BHLHE40: variants seen among roughly 807,000 people sequenced by gnomAD.
The protein encoded by BHLHE40 is class E basic helix-loop-helix protein 40.
In BHLHE40, 3 loss-of-function variants were observed where a neutral mutation model predicts 35.7. The ratio of observed to expected loss-of-function variants is 0.08; its 90% CI spans 0.04 to 0.22. The LOEUF is 0.22. Among genes scored for constraint, BHLHE40 ranks in the 10% least tolerant of loss-of-function variants. The probability of loss-of-function intolerance (pLI) is 1.00; values close to 1 mark genes in which losing one functional copy is unlikely to be tolerated. For synonymous variants in BHLHE40, 236 were observed against 213.0 expected (o/e 1.11, Z -0.94); for missense variants, 486 against 524.0 (o/e 0.93, Z 0.71).
Position 4,983,735 on chromosome 3 carries a change from C to T in BHLHE40, c.*43C>T. ...GCTGCTTTGCTTTCCTTCCTCGCTA[C>T]TTCCTAAAAAGCAACAAAAAAGTTT... On this transcript the variant is annotated 3_prime_UTR_variant, in exon 5 of 5. Transcript: ENST00000256495. The surrounding 1 kb of genome is among the most constrained non-coding windows in gnomAD (Gnocchi z 5.0). 4.6e-6 allele frequency: 7 copies of T among 1,536,836 alleles called. No homozygotes were observed. The highest frequency in any genetic ancestry group is 6.1e-6 in the Non-Finnish European group (7 of 1,147,834).
chr3:4,983,056 C>T lies in BHLHE40; in HGVS notation c.603C>T (p.Phe201=). The change falls in exon 5 of 5, where the codon TTC becomes TTT. Residue 201 remains phenylalanine (F), a synonymous_variant. Transcript: ENST00000256495. The surrounding 1 kb of genome is among the most constrained non-coding windows in gnomAD (Gnocchi z 5.0). ...ACCCAGCTCCCAAAGTGATGGACTTCAAGGAAAAACCCAGCTCTCCGGCCA... is the reference window on the plus strand; with the variant it reads ...ACCCAGCTCCCAAAGTGATGGACTTTAAGGAAAAACCCAGCTCTCCGGCCA... ...PSDPAPKVMD[F]KEKPSSPAKG... 4 of 1,614,134 alleles carry T rather than the reference C, an allele frequency of 2.5e-6. No individual in the cohort carries two copies. The highest frequency in any genetic ancestry group is 2.2e-5 in the East Asian group (1 of 44,886).
In BHLHE40 at chr3:4,983,855, TATGTGC is replaced by T. The variant is rs923592233; in HGVS notation, c.*164_*169del. ...GTGTGTGTGTGTGTGTGTGTGTGTGTATGTGCGTGTGCGTGCACATGTGTGCCTGCG... is the reference window on the plus strand; with the variant it reads ...GTGTGTGTGTGTGTGTGTGTGTGTGTGTGTGCGTGCACATGTGTGCCTGCG... On this transcript the variant is annotated 3_prime_UTR_variant, in exon 5 of 5. Transcript: ENST00000256495. The surrounding 1 kb of genome is among the most constrained non-coding windows in gnomAD (Gnocchi z 5.0). 1.3e-5 allele frequency: 13 copies of T among 989,634 alleles called. No homozygotes were observed. The African/African-American group carries it at 1.6e-4, about 13-fold the overall frequency. The allele number at this position is 989,634 out of a possible 1,614,324, so 61.3% of individuals were successfully genotyped here.
intron 2 of BHLHE40, 84 bp from the exon 3 acceptor site, chr3:4,980,217 T>C (rs975001208): frequency 9.2e-6 from 12 of 1,304,602 alleles, no homozygotes; most frequent in African/African-American, 7.3e-5. Context: ...TCTGCTCCTC[T>C]GCCGGACTGT....
At position 4,983,300 on chromosome 3, in the gene BHLHE40, G is replaced by A. The variant is rs753105254; in HGVS notation, c.847G>A (p.Glu283Lys). 8.1e-6 allele frequency: 13 copies of A among 1,614,052 alleles called. No homozygotes were observed. The highest frequency in any genetic ancestry group is 3.3e-5 in the South Asian group (3 of 91,080). ...GATCGGCGCAATTAAGCAAGAGTCC[G>A]AAGAACCCCCCACAAAAAAGAACCG... ...ERIGAIKQES[E>K]EPPTKKNRMQ... Residue 283 changes from glutamate (E) to lysine (K), a missense_variant, in exon 5 of 5, where the codon GAA becomes AAA. By Grantham distance (56) the Glu-to-Lys change is moderately conservative (BLOSUM62 1). Around this residue, in one of 5 missense-constraint regions of BHLHE40, gnomAD observed 206 missense variants for 208.9 expected, o/e 0.99. Coordinates refer to ENST00000256495, the MANE Select transcript of BHLHE40 (RefSeq NM_003670.3). This position sits in a 1 kb window ranked among gnomAD's most constrained non-coding sequence, Gnocchi z 5.0.
At chr3:4,981,760 C>G (rs1441771445) in intron 4 of BHLHE40, 1 of 427,372 alleles carries the variant, frequency 2.3e-6, no homozygotes, top group Non-Finnish European at 4.1e-6. Flanking sequence ...TTGAGAGTCT[C>G]TGGGTTCTGG....
chr3:4,983,746 GC>G lies in BHLHE40; in HGVS notation c.*55del. On this transcript the variant is annotated 3_prime_UTR_variant, in exon 5 of 5. Coordinates refer to ENST00000256495, the MANE Select transcript of BHLHE40 (RefSeq NM_003670.3). The surrounding 1 kb of genome is among the most constrained non-coding windows in gnomAD (Gnocchi z 5.0). ...TTCCTTCCTCGCTACTTCCTAAAAA[GC>G]AACAAAAAAGTTTTTGTGAATGCTG... is the stretch of plus-strand genomic sequence containing the variant. 1 of 1,525,572 alleles carries G rather than the reference GC, an allele frequency of 6.6e-7. No individual in the cohort carries two copies. Among genetic ancestry groups the G allele is most frequent in the Non-Finnish European group, 8.7e-7 (1 of 1,144,202 alleles). The allele number at this position is 1,525,572 out of a possible 1,614,324, so 94.5% of individuals were successfully genotyped here. A position where few individuals can be genotyped will look rare whatever the true frequency, so the allele number is the denominator to read the frequency against.
intron 3 of BHLHE40, among the ~76,000 whole-genome samples, chr3:4,980,743 C>G (rs142575781): frequency 6.6e-6 from 1 of 152,300 alleles, no homozygotes; most frequent in Non-Finnish European, 1.5e-5. Flanking sequence ...ACCCCTTCCC[C>G]TCTACCACTC....
Position 4,979,759 on chromosome 3 carries a change from TG to T in BHLHE40, c.42del (p.Ala17HisfsTer27). The T allele has an allele frequency of 1.3e-6, 2 of 1,585,508 alleles. No individual in the cohort carries two copies. Reference protein sequence around the residue: ...IPSAQPPPACLPKAPGLEHGD... With the variant: ...IPSAQPPPACXPKAPGLEHGD... ...AGCGCGCAACCACCCCCCGCCTGCC[TG>T]CCCAAAGCACCGGGACTGGAGCACG... is the stretch of plus-strand genomic sequence containing the variant. On this transcript the variant is annotated frameshift_variant, in exon 1 of 5. Coordinates refer to ENST00000256495, the MANE Select transcript of BHLHE40 (RefSeq NM_003670.3). LOFTEE classifies it high-confidence loss of function.
At position 4,984,960 on chromosome 3, in the gene BHLHE40, GTTTA is replaced by G. The variant is rs2053234051; in HGVS notation, c.*1272_*1275del. 6.6e-6 allele frequency: 1 copy of G among 151,962 alleles called. No individual in the cohort carries two copies. Among genetic ancestry groups the G allele is most frequent in the African/African-American group, 2.4e-5 (1 of 41,304 alleles). 9.4% of individuals were successfully genotyped at this position (151,962 alleles called of 1,614,324 possible). ...TATTAAAAAGGAAAATGTTTCAGAT[GTTTA>G]TTTGTATAATTACTTGATTCACACA... On this transcript the variant is annotated 3_prime_UTR_variant, in exon 5 of 5. Coordinates refer to ENST00000256495, the MANE Select transcript of BHLHE40 (RefSeq NM_003670.3).
chr3:4,980,457 CG>C, intron 3 of BHLHE40, 49 bp downstream of exon 3: 1 of 1,530,014 alleles, frequency 6.5e-7, no homozygotes, highest in Non-Finnish European at 9.0e-7. Context: ...GCCCAGAGGG[CG>C]GGCGGGTCAC....
chr3:4,980,545 T>TCCTC, intron 3 of BHLHE40, 137 bp downstream of exon 3: 1 of 669,670 alleles, frequency 1.5e-6, no homozygotes, highest in Non-Finnish European at 2.6e-6. Flanking sequence ...TGCGGTGGGG[T>TCCTC]CCTCCTCCAC....
chr3:4,981,985 A>G (rs1327663106), intron 4 of BHLHE40, among the ~76,000 whole-genome samples: 4 of 152,214 alleles, frequency 2.6e-5, no homozygotes, highest in African/African-American at 9.6e-5. Flanking sequence ...GGTTCCCTGA[A>G]TAGCCACTAG....
rs2053233972 is a variant in BHLHE40 at position 4,984,938 on chromosome 3, TAAA to T, written c.*1249_*1251del. ...ATAAATATATATTATATAAATATAT[TAAA>T]AAGGAAAATGTTTCAGATGTTTATT... is the stretch of plus-strand genomic sequence containing the variant. On this transcript the variant is annotated 3_prime_UTR_variant, in exon 5 of 5. Coordinates refer to ENST00000256495, the MANE Select transcript of BHLHE40 (RefSeq NM_003670.3). 6.6e-6 allele frequency: 1 copy of T among 151,826 alleles called. No homozygotes were observed. The highest frequency in any genetic ancestry group is 1.5e-5 in the Non-Finnish European group (1 of 67,868). 9.4% of individuals were successfully genotyped at this position (151,826 alleles called of 1,614,324 possible). A position where few individuals can be genotyped will look rare whatever the true frequency, so the allele number is the denominator to read the frequency against.
intron 3 of BHLHE40, among the ~76,000 whole-genome samples, chr3:4,981,043 A>AG (rs1380902432): frequency 1.3e-5 from 2 of 151,948 alleles, no homozygotes; most frequent in Admixed American, 6.6e-5. Context: ...GATTCCCCTG[A>AG]GTTAAGGTCG....
rs2053231736 is a variant in BHLHE40, at chr3:4,984,627, C to T, written c.*935C>T. On this transcript the variant is annotated 3_prime_UTR_variant, in exon 5 of 5. Transcript: ENST00000256495. The stretch of plus-strand genomic sequence containing the variant: ...CATCCTAAAACTCCTTTTAACCAAG[C>T]TTAGCTTCTCAAAGGCCTAACCAAG... 1.3e-5 allele frequency: 2 copies of T among 152,668 alleles called. No homozygotes were observed. The highest frequency in any genetic ancestry group is 2.9e-5 in the Non-Finnish European group (2 of 68,060). 9.5% of individuals were successfully genotyped at this position (152,668 alleles called of 1,614,324 possible).
Position 4,982,973 on chromosome 3 carries a change from C to T in BHLHE40, c.520C>T (p.His174Tyr), listed in dbSNP as rs762578907. ...CCTGAAGTCTTCGCAGCTTGTCACC[C>T]ACCTCCACCGGGTGGTCTCGGAGCT... ...RDLKSSQLVT[H>Y]LHRVVSELLQ... The change falls in exon 5 of 5, where the codon CAC (histidine) becomes TAC (tyrosine). Residue 174 changes from histidine to tyrosine, a missense_variant. By Grantham distance (83) the His-to-Tyr change is moderately conservative. Transcript: ENST00000256495. The T allele has an allele frequency of 4.0e-5, 64 of 1,613,196 alleles. No homozygotes were observed. The South Asian group carries it at 6.9e-4, about 17-fold the overall frequency.
intron 4 of BHLHE40, 24 bp from the exon 5 acceptor site, chr3:4,982,812 T>G (rs770050588): frequency 6.2e-6 from 10 of 1,613,464 alleles, no homozygotes; most frequent in Non-Finnish European, 8.5e-6. Flanking sequence ...TGAAACGTTT[T>G]CCTTCGGATT....
rs1272095152 is a variant in BHLHE40, at chr3:4,981,418, G to T, written c.285G>T (p.Val95=). The change falls in exon 4 of 5, where the codon GTG becomes GTT. Residue 95 remains valine, a synonymous_variant. Coordinates refer to ENST00000256495, the MANE Select transcript of BHLHE40 (RefSeq NM_003670.3). ...LTTLGHLEKA[V]VLELTLKHVK... ...CTTTGGGTCACTTGGAAAAAGCAGT[G>T]GTTCTTGAACTTACCTTGAAGCATG... 1 of 1,613,750 alleles carries T rather than the reference G, an allele frequency of 6.2e-7. No individual in the cohort carries two copies. Among genetic ancestry groups the T allele is most frequent in the African/African-American group, 1.3e-5 (1 of 74,868 alleles).
chr3:4,982,636 T>C (rs905724296), intron 4 of BHLHE40, among the ~76,000 whole-genome samples, 200 bp from the exon 5 acceptor site: 13 of 152,250 alleles, frequency 8.5e-5, no homozygotes, highest in African/African-American at 3.1e-4. Flanking sequence ...ATCTGAGTGT[T>C]AGTATATGGA....
Sources: gnomAD v4.1 joint callset for allele counts (sites outside exome capture counted in the v4.1 genomes callset) on GRCh38, gnomAD v4.1.1 for gene constraint, gnomAD v4.1.1 regional missense constraint, Gnocchi (gnomAD v3.1) non-coding constraint, MANE v1.5 for transcripts, NCBI Gene and HGNC (gene_info 2026-07-23, HGNC 2026-07-21) for gene names.